SHROOM2: variants seen among roughly 807,000 people sequenced by gnomAD.
SHROOM2 encodes the protein shroom family member 2.
SHROOM2 carries 33 observed loss-of-function variants against 75.9 expected under a neutral mutation model. The ratio of observed to expected loss-of-function variants is 0.43; its 90% CI spans 0.33 to 0.58. The LOEUF (loss-of-function observed/expected upper bound fraction) is 0.58. Among genes scored for constraint, SHROOM2 ranks in the 20% least tolerant of loss-of-function variants. The pLI is 0.04. For missense variants in SHROOM2, 1,434 were observed against 1,461.2 expected (o/e 0.98, Z 0.30); for synonymous variants, 655 against 663.6 (o/e 0.99, Z 0.20).
At chrX:9,814,482 T>G (rs1479830424) in intron 1 of SHROOM2, among the ~76,000 whole-genome samples, 1 of 111,313 alleles carries the variant, frequency 9.0e-6, no homozygotes, top group East Asian at 2.8e-4. Flanking sequence ...GGTCACATTC[T>G]CAACCTCACC....
rs999457116 is a variant in SHROOM2, at chrX:9,873,579, C to A, written c.166-73C>A. ...CGCCAAGTGTGAGGTATGTCTGCTG[C>A]GTTCCGAGGACCTGCTCTGCCTCAG... On this transcript the variant is annotated intron_variant, in intron 1 of 9. Coordinates refer to ENST00000380913, the MANE Select transcript of SHROOM2 (RefSeq NM_001649.4). 8.9e-6 allele frequency: 10 copies of A among 1,128,668 alleles called. No homozygotes were observed. The African/African-American group carries it at 1.6e-4, about 18-fold the overall frequency. The allele number at this position is 1,128,668 out of a possible 1,213,427, so 93.0% of individuals were successfully genotyped here. A position where few individuals can be genotyped will look rare whatever the true frequency, so the allele number is the denominator to read the frequency against.
intron 2 of SHROOM2, among the ~76,000 whole-genome samples, chrX:9,879,033 G>A (rs1412707311): frequency 9.0e-6 from 1 of 110,627 alleles, no homozygotes; most frequent in Non-Finnish European, 1.9e-5. Context: ...TATTATGAGT[G>A]AAGGAAAGAA....
intron 1 of SHROOM2, among the ~76,000 whole-genome samples, chrX:9,860,858 A>G (rs1051068691): frequency 3.6e-5 from 4 of 112,257 alleles, no homozygotes; most frequent in South Asian, 3.7e-4. Context: ...CAGCCTCAAA[A>G]TGGAAGGAAA....
intron 1 of SHROOM2, among the ~76,000 whole-genome samples, chrX:9,788,398 G>A (rs2083628852): frequency 9.0e-6 from 1 of 111,448 alleles, no homozygotes. Context: ...AGGTAAGAGC[G>A]CACCTTCTCT....
intron 1 of SHROOM2, among the ~76,000 whole-genome samples, chrX:9,871,433 C>T (rs1338473786): frequency 9.0e-6 from 1 of 111,442 alleles, no homozygotes. Context: ...TGGCCGGCCC[C>T]TTGGTCTCCC....
At chrX:9,808,147 CTT>C (rs2083766330) in intron 1 of SHROOM2, among the ~76,000 whole-genome samples, 2 of 111,668 alleles carry the variant, frequency 1.8e-5, no homozygotes, top group African/African-American at 6.5e-5. Flanking sequence ...TACGGTAGTA[CTT>C]CACCCTCTCA....
At chrX:9,931,359 C>T (rs987075292) in intron 5 of SHROOM2, among the ~76,000 whole-genome samples, 3 of 110,551 alleles carry the variant, frequency 2.7e-5, no homozygotes, top group Admixed American at 9.6e-5. Context: ...ACTAAAAATA[C>T]GAAAATTAGC....
chrX:9,890,865 T>G, intron 2 of SHROOM2, 112 bp from the exon 3 acceptor site: 1 of 792,046 alleles, frequency 1.3e-6, no homozygotes, highest in Non-Finnish European at 1.8e-6. Context: ...CTGCACTGTT[T>G]GGCACGAGCG....
chrX:9,832,066 A>T (rs1416489357), intron 1 of SHROOM2, among the ~76,000 whole-genome samples: 5 of 111,391 alleles, frequency 4.5e-5, no homozygotes, highest in Non-Finnish European at 7.6e-5. Context: ...TAGGGCTGGG[A>T]CCCCTAGGGA....
chrX:9,800,580 A>G (rs2083719017), intron 1 of SHROOM2, among the ~76,000 whole-genome samples: 1 of 108,116 alleles, frequency 9.2e-6, no homozygotes, highest in Non-Finnish European at 1.9e-5. Flanking sequence ...ACCTCAAGTG[A>G]TCCACCCGCC....
chrX:9,787,806 A>G (rs1446391802), intron 1 of SHROOM2, among the ~76,000 whole-genome samples: 1 of 111,976 alleles, frequency 8.9e-6, no homozygotes, highest in African/African-American at 3.2e-5. Context: ...TTAGCTTTGC[A>G]CTAAATTTTT....
At position 9,898,271 on chromosome X, in the gene SHROOM2, G is replaced by A. The variant is rs1454346479; in HGVS notation, c.2872G>A (p.Glu958Lys). 1.7e-6 allele frequency: 2 copies of A among 1,179,383 alleles called. No homozygotes were observed. Among genetic ancestry groups the A allele is most frequent in the African/African-American group, 1.7e-5 (1 of 57,320 alleles). ...EELPSAVRAEEGQSTPRQADA... is the reference protein window; with the variant it reads ...EELPSAVRAEKGQSTPRQADA... ...GCTTCCCTCCGCAGTCCGGGCCGAGGAGGGACAGTCCACGCCGAGGTGGGT... is the reference window on the plus strand; with the variant it reads ...GCTTCCCTCCGCAGTCCGGGCCGAGAAGGGACAGTCCACGCCGAGGTGGGT... Residue 958 changes from glutamate (E) to lysine (K), a missense_variant, in exon 5 of 10, where the codon GAG (glutamate) becomes AAG (lysine). Coordinates refer to ENST00000380913, the MANE Select transcript of SHROOM2 (RefSeq NM_001649.4).
chrX:9,911,807 A>G (rs976662141), intron 5 of SHROOM2, among the ~76,000 whole-genome samples: 6 of 111,385 alleles, frequency 5.4e-5, no homozygotes, highest in Non-Finnish European at 9.4e-5. Flanking sequence ...GACATAGAAT[A>G]GGCTGTTGAA....
intron 3 of SHROOM2, among the ~76,000 whole-genome samples, chrX:9,893,461 T>C (rs1417068100): frequency 9.0e-6 from 1 of 111,570 alleles, no homozygotes; most frequent in Non-Finnish European, 1.9e-5. Flanking sequence ...GCTTTTGGCT[T>C]TGCAGGCCGC....
At chrX:9,827,463 C>T (rs1449937974) in intron 1 of SHROOM2, among the ~76,000 whole-genome samples, 1 of 108,738 alleles carries the variant, frequency 9.2e-6, no homozygotes, top group Non-Finnish European at 1.9e-5. Context: ...ACATTGAGTC[C>T]CCCCGGCCAG....
At chrX:9,865,365 C>T (rs2084129190) in intron 1 of SHROOM2, 1 of 110,290 alleles carries the variant, frequency 9.1e-6, no homozygotes, top group Admixed American at 9.7e-5. Flanking sequence ...GGCTGCTGAG[C>T]AGTGTATGAT....
intron 5 of SHROOM2, among the ~76,000 whole-genome samples, chrX:9,904,087 AGT>A (rs996450958): frequency 9.0e-6 from 1 of 111,158 alleles, no homozygotes; most frequent in African/African-American, 3.3e-5. Flanking sequence ...TGGAGGGAGA[AGT>A]GTGCAAAAGG....
chrX:9,878,519 G>GGGAC (rs2084213457), intron 2 of SHROOM2, among the ~76,000 whole-genome samples: 1 of 111,940 alleles, frequency 8.9e-6, no homozygotes, highest in Non-Finnish European at 1.9e-5. Flanking sequence ...TACAACATGC[G>GGGAC]TCCCGTCTTG....
At chrX:9,912,198 GACACACACACACAC>G (rs57939278) in intron 5 of SHROOM2, among the ~76,000 whole-genome samples, 5 of 16,146 alleles carry the variant, frequency 3.1e-4, no homozygotes, top group South Asian at 5.0e-3. Flanking sequence ...TAAATTACAA[GACACACACACACAC>G]ACACACACAC....
Sources: gnomAD v4.1 joint callset for allele counts (sites outside exome capture counted in the v4.1 genomes callset) on GRCh38, gnomAD v4.1.1 for gene constraint, MANE v1.5 for transcripts, NCBI Gene and HGNC (gene_info 2026-07-23, HGNC 2026-07-21) for gene names.